The following ADAMTS9 variants were observed in gnomAD, a reference collection of about 807,000 sequenced individuals.
ADAMTS9 encodes A disintegrin and metalloproteinase with thrombospondin motifs 9.
ADAMTS9 carries 107 observed loss-of-function variants against 257.1 expected under a neutral mutation model. That is an observed-to-expected ratio of 0.42 (90% CI 0.36 to 0.49). The LOEUF is 0.49. Ranked by LOEUF, ADAMTS9 falls within the 20% of genes least tolerant of loss-of-function variation. The probability of loss-of-function intolerance (pLI) is 0.03; values close to 1 mark genes in which losing one functional copy is unlikely to be tolerated. For synonymous variants in ADAMTS9, 982 were observed against 880.9 expected (o/e 1.11, Z -2.03); for missense variants, 2,353 against 2,469.1 (o/e 0.95, Z 1.00).
intron 19 of ADAMTS9, among the ~76,000 whole-genome samples, chr3:64,617,575 A>G (rs1171095239): frequency 6.6e-6 from 1 of 152,182 alleles, no homozygotes; most frequent in Non-Finnish European, 1.5e-5. Context: ...TTGTATTTTA[A>G]TACTATATTT....
rs537467279 is a variant in ADAMTS9 at position 64,674,187 on chromosome 3, ATT to A, written c.679+7012_679+7013del. ...AAGAATTAATGTATTTAAAACAGTGATTTTCTAATAATTTACCAAGGATTTTA... is the reference window on the plus strand; with the variant it reads ...AAGAATTAATGTATTTAAAACAGTGATTCTAATAATTTACCAAGGATTTTA... On this transcript the variant is annotated intron_variant, in intron 3 of 39. Transcript: ENST00000498707. Among the ~76,000 whole-genome samples, 37 of 152,200 alleles carry A rather than the reference ATT, an allele frequency of 2.4e-4. No individual in the cohort carries two copies. The South Asian group carries it at 7.7e-3, about 32-fold the overall frequency.
intron 28 of ADAMTS9, chr3:64,588,738 C>A (rs1302955623): frequency 1.3e-5 from 2 of 152,138 alleles, no homozygotes; most frequent in Non-Finnish European, 2.9e-5. Flanking sequence ...CAAGCTACCA[C>A]AAAATAGCAT....
chr3:64,617,697 CG>C (rs1472606542), intron 19 of ADAMTS9, among the ~76,000 whole-genome samples: 3 of 152,060 alleles, frequency 2.0e-5, no homozygotes, highest in African/African-American at 7.2e-5. Flanking sequence ...ATTTTAAGAA[CG>C]ACTGAATTCA....
intron 21 of ADAMTS9, among the ~76,000 whole-genome samples, chr3:64,614,399 T>C (rs1253345027): frequency 1.3e-5 from 2 of 152,232 alleles, no homozygotes; most frequent in Non-Finnish European, 2.9e-5. Context: ...GTTAATTGAC[T>C]GCCATTTCAG....
intron 31 of ADAMTS9, among the ~76,000 whole-genome samples, chr3:64,548,605 G>GA (rs1553701868): frequency 6.8e-6 from 1 of 146,852 alleles, no homozygotes; most frequent in Non-Finnish European, 1.5e-5. Flanking sequence ...GTGGGGGGGA[G>GA]CCCAGTGGGA....
At chr3:64,668,819 G>T (rs1701411775) in intron 3 of ADAMTS9, among the ~76,000 whole-genome samples, 2 of 152,172 alleles carry the variant, frequency 1.3e-5, no homozygotes, top group Admixed American at 1.3e-4. Context: ...TGCCTGTGGT[G>T]GGTCTAGGTA....
intron 3 of ADAMTS9, among the ~76,000 whole-genome samples, chr3:64,659,153 C>T (rs541598217): frequency 1.3e-5 from 2 of 152,292 alleles, no homozygotes; most frequent in Admixed American, 1.3e-4. Flanking sequence ...GGGCCAGTAA[C>T]GTAGCTACAG....
intron 11 of ADAMTS9, among the ~76,000 whole-genome samples, chr3:64,645,420 T>A (rs559135074): frequency 3.3e-5 from 5 of 152,156 alleles, no homozygotes; most frequent in Middle Eastern, 3.4e-3. Context: ...TAACATTGTG[T>A]CAGCAGCCCA....
At chr3:64,673,809 T>C (rs962525567) in intron 3 of ADAMTS9, among the ~76,000 whole-genome samples, 2 of 152,094 alleles carry the variant, frequency 1.3e-5, no homozygotes, top group African/African-American at 4.8e-5. Flanking sequence ...CTTGAGTTTG[T>C]TTTAATATAC....
At chr3:64,628,500 C>A (rs933803896) in intron 16 of ADAMTS9, among the ~76,000 whole-genome samples, 1 of 152,174 alleles carries the variant, frequency 6.6e-6, no homozygotes, top group East Asian at 1.9e-4. Flanking sequence ...GACACTGCAG[C>A]CACATGCTCA....
At chr3:64,678,914 G>A (rs1701688644) in intron 3 of ADAMTS9, among the ~76,000 whole-genome samples, 1 of 152,142 alleles carries the variant, frequency 6.6e-6, no homozygotes, top group Admixed American at 6.6e-5. Flanking sequence ...CAAAACTGCT[G>A]GGCTCCTGGT....
At chr3:64,555,315 AG>A (rs2106942029) in intron 30 of ADAMTS9, among the ~76,000 whole-genome samples, 1 of 152,174 alleles carries the variant, frequency 6.6e-6, no homozygotes, top group East Asian at 1.9e-4. Flanking sequence ...ATTTGTTAGG[AG>A]GTGCGGTGGG....
At chr3:64,680,517 C>A (rs1049862899) in intron 3 of ADAMTS9, among the ~76,000 whole-genome samples, 4 of 152,142 alleles carry the variant, frequency 2.6e-5, no homozygotes, top group East Asian at 1.9e-4. Context: ...CAGACAGAAG[C>A]TTTCCAGGGT....
chr3:64,592,852 C>T (rs1385213096), intron 28 of ADAMTS9: 1 of 151,796 alleles, frequency 6.6e-6, no homozygotes, highest in African/African-American at 2.4e-5. Flanking sequence ...AACTCTGGTA[C>T]TGGTATTGCT....
At chr3:64,634,794 C>G (rs1240045218) in intron 12 of ADAMTS9, among the ~76,000 whole-genome samples, 1 of 152,102 alleles carries the variant, frequency 6.6e-6, no homozygotes, top group Non-Finnish European at 1.5e-5. Context: ...CACCCTTTTT[C>G]CTTTAGAATG....
intron 30 of ADAMTS9, among the ~76,000 whole-genome samples, chr3:64,552,323 C>A (rs1390226173): frequency 6.6e-6 from 1 of 152,110 alleles, no homozygotes; most frequent in Non-Finnish European, 1.5e-5. Flanking sequence ...AACACCAAAC[C>A]CCACCCCTGA....
At chr3:64,606,360 T>C (rs2084555950) in intron 23 of ADAMTS9, among the ~76,000 whole-genome samples, 1 of 152,208 alleles carries the variant, frequency 6.6e-6, no homozygotes, top group African/African-American at 2.4e-5. Flanking sequence ...ATTTTCAAGC[T>C]ATGAACTTGA....
At chr3:64,537,786 C>A (rs1169716700) in intron 37 of ADAMTS9, among the ~76,000 whole-genome samples, 1 of 152,172 alleles carries the variant, frequency 6.6e-6, no homozygotes, top group Non-Finnish European at 1.5e-5. Context: ...TCCTTTAAAC[C>A]TAAGAGAAAA....
At chr3:64,648,328 C>T (rs559999372) in intron 10 of ADAMTS9, among the ~76,000 whole-genome samples, 2 of 152,302 alleles carry the variant, frequency 1.3e-5, no homozygotes, top group South Asian at 2.1e-4. Flanking sequence ...CCTTTCCCTT[C>T]CTTTTCCTAC....
Sources: gnomAD v4.1 joint callset for allele counts (sites outside exome capture counted in the v4.1 genomes callset) on GRCh38, gnomAD v4.1.1 for gene constraint, MANE v1.5 for transcripts, NCBI Gene and HGNC (gene_info 2026-07-23, HGNC 2026-07-21) for gene names.